Variants in CCDC88A observed in about 807,000 individuals in gnomAD.
CCDC88A encodes the protein girdin.
CCDC88A carries 54 observed loss-of-function variants against 234.3 expected under a neutral mutation model. The observed-to-expected ratio is 0.23, with a 90% CI of 0.19 to 0.29. The LOEUF (loss-of-function observed/expected upper bound fraction) is 0.29. Among genes scored for constraint, CCDC88A ranks in the 10% least tolerant of loss-of-function variants. The probability of loss-of-function intolerance (pLI) is 1.00; values close to 1 mark genes in which losing one functional copy is unlikely to be tolerated. For missense variants in CCDC88A, 1,832 were observed against 2,123.4 expected (o/e 0.86, Z 2.70); for synonymous variants, 753 against 737.8 (o/e 1.02, Z -0.33).
At chr2:55,359,966 T>C (rs1370298644) in intron 7 of CCDC88A, among the ~76,000 whole-genome samples, 4 of 152,124 alleles carry the variant, frequency 2.6e-5, no homozygotes, top group African/African-American at 4.8e-5. Context: ...ATTACAGTAT[T>C]ATGTTTCTAA....
At chr2:55,343,587 G>A (rs756272682) in intron 12 of CCDC88A, 61 bp downstream of exon 12, 9 of 1,341,006 alleles carry the variant, frequency 6.7e-6, no homozygotes, top group Admixed American at 2.2e-5. Flanking sequence ...AGAACTGCAA[G>A]TAAACATAAA....
intron 3 of CCDC88A, among the ~76,000 whole-genome samples, chr2:55,378,467 T>C (rs1674059658): frequency 6.6e-6 from 1 of 152,152 alleles, no homozygotes; most frequent in Non-Finnish European, 1.5e-5. Flanking sequence ...AGGCTTAAAT[T>C]TTAGCTCCAT....
chr2:55,342,198 T>A (rs1668593005), intron 12 of CCDC88A, among the ~76,000 whole-genome samples: 1 of 152,234 alleles, frequency 6.6e-6, no homozygotes, highest in Admixed American at 6.5e-5. Context: ...AAATGAAAAG[T>A]GACTTAAAAA....
Position 55,296,036 on chromosome 2 carries a change from C to T in CCDC88A, c.5112G>A (p.Glu1704=). 1.2e-6 allele frequency: 2 copies of T among 1,602,812 alleles called. No individual in the cohort carries two copies. Among genetic ancestry groups the T allele is most frequent in the Non-Finnish European group, 1.7e-6 (2 of 1,176,982 alleles). ...TTTTCATTACTTCATCTAAAAGATT[C>T]TCTTGACTTGAGGACTTTATCTGTT... The part of the protein sequence containing the change: ...TSVQIKSSSQ[E]NLLDEVMKSL... The change falls in exon 31 of 33, where the codon GAG becomes GAA. Residue 1704 remains glutamate (E), a synonymous_variant. Coordinates refer to ENST00000436346, the MANE Select transcript of CCDC88A (RefSeq NM_001365480.1).
At chr2:55,360,078 A>G (rs753287205) in intron 7 of CCDC88A, among the ~76,000 whole-genome samples, 12 of 152,176 alleles carry the variant, frequency 7.9e-5, no homozygotes, top group Non-Finnish European at 1.3e-4. Flanking sequence ...ATAAAACAGT[A>G]TGTGTTAAAC....
intron 2 of CCDC88A, chr2:55,397,117 G>C (rs1226392176): frequency 6.6e-6 from 1 of 151,860 alleles, no homozygotes; most frequent in African/African-American, 2.4e-5. Context: ...TTGAGATGGA[G>C]TCTCGCTCTG....
Position 55,312,549 on chromosome 2 carries a change from C to A in CCDC88A, c.3964G>T (p.Glu1322Ter), listed in dbSNP as rs902162383. ...TGATCTAGTAGATGCCGATTTTCTTCTTCTAAATTTCCTTTAAGTTGGCTT... is the reference window on the plus strand; with the variant it reads ...TGATCTAGTAGATGCCGATTTTCTTATTCTAAATTTCCTTTAAGTTGGCTT... The part of the protein sequence containing the change: ...LLSQLKGNLE[E>*]ENRHLLDQIQ... The change falls in exon 23 of 33, where the codon GAA (glutamate) becomes TAA (stop). Residue 1322 changes from glutamate to a stop codon, truncating the protein, a stop_gained. Transcript: ENST00000436346. LOFTEE classifies it high-confidence loss of function. 6.2e-7 allele frequency: 1 copy of A among 1,609,336 alleles called. No homozygotes were observed. Among genetic ancestry groups the A allele is most frequent in the African/African-American group, 1.3e-5 (1 of 74,328 alleles).
chr2:55,299,679 A>G, intron 29 of CCDC88A, 160 bp downstream of exon 29: 1 of 560,418 alleles, frequency 1.8e-6, no homozygotes. Flanking sequence ...ATTGAAATAC[A>G]TTTGTATTAC....
intron 18 of CCDC88A, 57 bp from the exon 19 acceptor site, chr2:55,319,061 G>C: frequency 7.2e-7 from 1 of 1,395,906 alleles, no homozygotes; most frequent in Middle Eastern, 1.8e-4. Context: ...CATCAAATAT[G>C]TTTCTATAGT....
chr2:55,340,204 A>G (rs1456930645), intron 12 of CCDC88A: 1 of 152,234 alleles, frequency 6.6e-6, no homozygotes, highest in African/African-American at 2.4e-5. Context: ...TTGGAGTTCA[A>G]GCAGACCCAT....
At chr2:55,372,025 T>C (rs1242949367) in intron 5 of CCDC88A, among the ~76,000 whole-genome samples, 1 of 152,154 alleles carries the variant, frequency 6.6e-6, no homozygotes, top group Non-Finnish European at 1.5e-5. Context: ...TCATAAATTC[T>C]GCCTCCTTTT....
intron 5 of CCDC88A, 57 bp from the exon 6 acceptor site, chr2:55,364,090 G>C: frequency 1.3e-6 from 1 of 792,702 alleles, no homozygotes; most frequent in Non-Finnish European, 2.0e-6. Context: ...TCCTTAAAAT[G>C]TTATATATAA....
At chr2:55,400,119 CATTTT>C (rs1172267221) in intron 2 of CCDC88A, among the ~76,000 whole-genome samples, 2 of 152,170 alleles carry the variant, frequency 1.3e-5, no homozygotes, top group African/African-American at 4.8e-5. Context: ...TTCTGCCTTT[CATTTT>C]AATACTTAAA....
chr2:55,395,807 A>C (rs1327747138), intron 2 of CCDC88A, among the ~76,000 whole-genome samples: 2 of 152,210 alleles, frequency 1.3e-5, no homozygotes, highest in African/African-American at 2.4e-5. Flanking sequence ...GCTAAATCTG[A>C]CCTGTGACTG....
intron 3 of CCDC88A, among the ~76,000 whole-genome samples, chr2:55,375,489 A>G (rs1251411056): frequency 2.9e-5 from 1 of 35,076 alleles, no homozygotes; most frequent in African/African-American, 7.0e-5. Context: ...ATATATATAT[A>G]TATATATATA....
chr2:55,372,763 C>T (rs1367531400), intron 4 of CCDC88A, among the ~76,000 whole-genome samples: 1 of 152,172 alleles, frequency 6.6e-6, no homozygotes, highest in South Asian at 2.1e-4. Flanking sequence ...AACAAGTATG[C>T]TAACTATGAA....
intron 2 of CCDC88A, among the ~76,000 whole-genome samples, chr2:55,407,057 A>T (rs938963414): frequency 1.3e-5 from 2 of 152,052 alleles, no homozygotes; most frequent in African/African-American, 4.8e-5. Context: ...TACAAAAAAA[A>T]ATTTTAATTA....
At chr2:55,299,804 G>C (rs1558626852) in intron 29 of CCDC88A, 35 bp downstream of exon 29, 7 of 1,372,248 alleles carry the variant, frequency 5.1e-6, no homozygotes, top group Admixed American at 1.7e-5. Flanking sequence ...ACTGGAAATG[G>C]ATAGAGCGCA....
At chr2:55,340,640 G>A (rs1283321266) in intron 12 of CCDC88A, among the ~76,000 whole-genome samples, 4 of 151,834 alleles carry the variant, frequency 2.6e-5, no homozygotes, top group South Asian at 2.1e-4. Flanking sequence ...ACTAATGAAC[G>A]ATTAAATGAA....
Sources: allele counts gnomAD v4.1 joint callset (sites outside exome capture counted in the v4.1 genomes callset), GRCh38; gene constraint gnomAD v4.1.1; transcripts MANE v1.5; gene names NCBI Gene and HGNC (gene_info 2026-07-23, HGNC 2026-07-21).